MTCL1: variants seen among roughly 807,000 people sequenced by gnomAD.
MTCL1 encodes the protein microtubule cross-linking factor 1.
In MTCL1, 79 loss-of-function variants were observed where a neutral mutation model predicts 141.4. That is an observed-to-expected ratio of 0.56 (90% CI 0.47 to 0.67). The LOEUF is 0.67. MTCL1 is among the 30% of genes least tolerant of loss of function. The probability of loss-of-function intolerance (pLI) is 0.00; values close to 1 mark genes in which losing one functional copy is unlikely to be tolerated. For synonymous variants in MTCL1, 914 were observed against 875.8 expected (o/e 1.04, Z -0.77); for missense variants, 2,177 against 2,113.9 (o/e 1.03, Z -0.59).
chr18:8,716,110 T>C (rs1195925558), upstream of MTCL1, among the ~76,000 whole-genome samples: 1 of 152,264 alleles, frequency 6.6e-6, no homozygotes, highest in African/African-American at 2.4e-5. Flanking sequence ...AGTGTTAAGA[T>C]TGATCTTTCT....
intron 4 of MTCL1, among the ~76,000 whole-genome samples, chr18:8,765,174 GT>G (rs1420203982): frequency 6.6e-6 from 1 of 152,220 alleles, no homozygotes; most frequent in African/African-American, 2.4e-5. Context: ...ACACCAGTTA[GT>G]TTTTTGAAGC....
At chr18:8,798,958 C>T (rs541827486) in intron 10 of MTCL1, among the ~76,000 whole-genome samples, 13 of 152,306 alleles carry the variant, frequency 8.5e-5, no homozygotes, top group Admixed American at 5.9e-4. Flanking sequence ...AACGCTGTCT[C>T]GCTCTCAGGC....
At chr18:8,814,651 C>T (rs927927206) in intron 12 of MTCL1, among the ~76,000 whole-genome samples, 10 of 152,302 alleles carry the variant, frequency 6.6e-5, no homozygotes, top group African/African-American at 2.4e-4. Context: ...CACAGTAACT[C>T]CAGGCAACTT....
In MTCL1 at chr18:8,821,512, A is replaced by T. The variant is rs2076844920; in HGVS notation, c.3188+14A>T. 1 of 1,306,476 alleles carries T rather than the reference A, an allele frequency of 7.7e-7. No homozygotes were observed. The allele number at this position is 1,306,476 out of a possible 1,614,324, so 80.9% of individuals were successfully genotyped here. On this transcript the variant is annotated intron_variant, in intron 14 of 16. Coordinates refer to ENST00000359865, the Ensembl canonical transcript of MTCL1. ...AAATCTTCAAAGGTAAGTAAGATTG[A>T]TGAAAATAATAGATTACTAGAATAA...
rs776188425 is a variant in MTCL1 at position 8,785,916 on chromosome 18, T to C, written c.1732-20T>C. 1.3e-6 allele frequency: 2 copies of C among 1,549,286 alleles called. No homozygotes were observed. The highest frequency in any genetic ancestry group is 4.5e-5 in the East Asian group (2 of 44,062). The stretch of plus-strand genomic sequence containing the variant: ...ATTTTAAAGAACAACAACAACAAAT[T>C]CCTCCCGTGCACCTAACAGTCCAGA... On this transcript the variant is annotated intron_variant, in intron 6 of 16. Transcript: ENST00000359865.
chr18:8,747,210 C>T (rs1285176229), intron 4 of MTCL1, among the ~76,000 whole-genome samples: 1 of 152,218 alleles, frequency 6.6e-6, no homozygotes, highest in Non-Finnish European at 1.5e-5. Flanking sequence ...CAAGGGCCCA[C>T]CCACTGAACG....
At chr18:8,715,628 T>C (rs1463339833), upstream of MTCL1, among the ~76,000 whole-genome samples, 1 of 152,256 alleles carries the variant, frequency 6.6e-6, no homozygotes, top group Non-Finnish European at 1.5e-5. Flanking sequence ...GCGGTTAGGT[T>C]CTTTCTCAAA....
exon 6 of MTCL1, chr18:8,784,428 C>T: frequency 6.5e-7 from 1 of 1,529,188 alleles, no homozygotes; most frequent in Non-Finnish European, 8.8e-7. Flanking sequence ...GCCAGCGAGC[C>T]ATGCCCCACG....
chr18:8,798,897 G>A lies in MTCL1; in HGVS notation c.2436+606G>A, dbSNP rs574519938. On this transcript the variant is annotated intron_variant, in intron 10 of 16. Coordinates refer to ENST00000359865, the Ensembl canonical transcript of MTCL1. ...ACTGCTTGCATTTTTATACCAAAAT[G>A]GCAGTGACGGAGGATTTGGAGTAAG... Among the ~76,000 whole-genome samples the A allele has an allele frequency of 3.9e-5, 6 of 152,312 alleles. No homozygotes were observed. The South Asian group carries it at 6.2e-4, about 16-fold the overall frequency.
chr18:8,784,875 C>G (rs748482482), intron 6 of MTCL1, 32 bp downstream of exon 5: 2 of 1,518,162 alleles, frequency 1.3e-6, no homozygotes, highest in South Asian at 1.3e-5. Context: ...CCTCCCTGCT[C>G]CGCCTTGCTC....
At chr18:8,759,824 G>T (rs1190044500) in intron 4 of MTCL1, among the ~76,000 whole-genome samples, 1 of 152,120 alleles carries the variant, frequency 6.6e-6, no homozygotes, top group Non-Finnish European at 1.5e-5. Context: ...CTTGAAGCGG[G>T]ATAGAGGTGG....
At chr18:8,770,599 A>T (rs904372817) in intron 4 of MTCL1, among the ~76,000 whole-genome samples, 1 of 152,302 alleles carries the variant, frequency 6.6e-6, no homozygotes, top group Non-Finnish European at 1.5e-5. Context: ...CCTCACTTCT[A>T]ATACCAGCAC....
chr18:8,742,166 G>C (rs2096307346), intron 4 of MTCL1, among the ~76,000 whole-genome samples: 1 of 152,030 alleles, frequency 6.6e-6, no homozygotes. Context: ...ACACATACCT[G>C]GTTAAGAATT....
exon 6 of MTCL1, chr18:8,783,817 C>T: frequency 6.2e-7 from 1 of 1,613,244 alleles, no homozygotes; most frequent in Non-Finnish European, 8.5e-7. Context: ...ACCGTGGCCT[C>T]AAGGCAGAGA....
At chr18:8,720,160 T>C (rs946969642) in intron 3 of MTCL1, 178 bp from the exon 3 acceptor site, 5 of 608,082 alleles carry the variant, frequency 8.2e-6, no homozygotes, top group Non-Finnish European at 1.4e-5. Flanking sequence ...CAGATGTTGA[T>C]TTCATTTTTA....
At chr18:8,706,673 G>T in exon 1 of MTCL1, 6 of 1,546,420 alleles carry the variant, frequency 3.9e-6, no homozygotes, top group Non-Finnish European at 5.2e-6. Context: ...GAGCTGCTGC[G>T]GGAGATGGAG....
intron 12 of MTCL1, among the ~76,000 whole-genome samples, chr18:8,817,994 C>T (rs981178067): frequency 5.3e-5 from 8 of 152,174 alleles, no homozygotes; most frequent in East Asian, 1.9e-4. Flanking sequence ...AGCCATTTGC[C>T]TGCCTGCCTC....
chr18:8,765,613 A>G (rs1262626218), intron 4 of MTCL1, among the ~76,000 whole-genome samples: 1 of 152,208 alleles, frequency 6.6e-6, no homozygotes, highest in Non-Finnish European at 1.5e-5. Context: ...GGAAGTGCCA[A>G]CAGGAGGGTG....
chr18:8,781,280 C>G (rs1166629060), intron 5 of MTCL1, among the ~76,000 whole-genome samples: 1 of 151,856 alleles, frequency 6.6e-6, no homozygotes, highest in Non-Finnish European at 1.5e-5. Context: ...CTTTTACAGC[C>G]CATGTATTCT....
Sources: allele counts gnomAD v4.1 joint callset (sites outside exome capture counted in the v4.1 genomes callset), GRCh38; gene constraint gnomAD v4.1.1; transcripts MANE v1.5; gene names NCBI Gene and HGNC (gene_info 2026-07-23, HGNC 2026-07-21).